The following PDGFD variants were observed in gnomAD, a reference collection of about 807,000 sequenced individuals.
PDGFD encodes the protein platelet derived growth factor D, also known as platelet-derived growth factor D.
A neutral mutation model predicts 44.7 loss-of-function variants in PDGFD; 30 were observed. The ratio of observed to expected loss-of-function variants is 0.67; its 90% confidence interval spans 0.50 to 0.91. The LOEUF is 0.91. PDGFD is among the 40% of genes least tolerant of loss of function. The pLI, the probability that PDGFD is intolerant of heterozygous loss-of-function variation, is 0.00. For synonymous variants in PDGFD, 173 were observed against 168.4 expected (o/e 1.03, Z -0.21); for missense variants, 445 against 457.8 (o/e 0.97, Z 0.25).
intron 1 of PDGFD, among the ~76,000 whole-genome samples, chr11:104,099,419 C>T (rs926757755): frequency 1.2e-4 from 18 of 152,052 alleles, no homozygotes; most frequent in East Asian, 7.7e-4. Context: ...GCAGGCGGAT[C>T]GTTTGAGCCC....
chr11:104,106,029 T>C (rs778170647), intron 1 of PDGFD, among the ~76,000 whole-genome samples: 19 of 152,154 alleles, frequency 1.2e-4, no homozygotes, highest in Non-Finnish European at 2.4e-4. Flanking sequence ...TTTAGAAGTA[T>C]TGTTAAATCT....
intron 1 of PDGFD, among the ~76,000 whole-genome samples, chr11:104,022,360 T>C (rs1485777501): frequency 6.6e-6 from 1 of 152,142 alleles, no homozygotes; most frequent in Non-Finnish European, 1.5e-5. Flanking sequence ...TCAACAGCCT[T>C]AAAGAGACAA....
At chr11:104,072,954 G>C (rs547013668) in intron 1 of PDGFD, among the ~76,000 whole-genome samples, 1 of 152,124 alleles carries the variant, frequency 6.6e-6, no homozygotes, top group South Asian at 2.1e-4. Context: ...AAATCTAAAA[G>C]TATATTAATT....
chr11:103,909,906 A>C (rs1263461662), intron 6 of PDGFD, 87 bp from the exon 7 acceptor site: 1 of 1,530,082 alleles, frequency 6.5e-7, no homozygotes. Flanking sequence ...TTTGACAACT[A>C]GTTCTTAGCC....
chr11:104,055,448 C>A (rs17331385), intron 1 of PDGFD, among the ~76,000 whole-genome samples: 1 of 152,006 alleles, frequency 6.6e-6, no homozygotes, highest in Non-Finnish European at 1.5e-5. Flanking sequence ...AATGATAACC[C>A]AGGTGTGTTA....
chr11:104,077,323 A>C (rs948511524), intron 1 of PDGFD, among the ~76,000 whole-genome samples: 2 of 152,236 alleles, frequency 1.3e-5, no homozygotes, highest in Non-Finnish European at 2.9e-5. Context: ...GAGATGAAGA[A>C]GGAAGGATGT....
chr11:104,044,810 G>A (rs570182532), intron 1 of PDGFD, among the ~76,000 whole-genome samples: 2 of 152,284 alleles, frequency 1.3e-5, no homozygotes, highest in South Asian at 4.1e-4. Context: ...AGGCCAAGGT[G>A]AACGGATCAC....
chr11:104,104,294 GAAGT>G (rs1446696678), intron 1 of PDGFD, among the ~76,000 whole-genome samples: 1 of 151,966 alleles, frequency 6.6e-6, no homozygotes, highest in Non-Finnish European at 1.5e-5. Context: ...ATTTGTTATC[GAAGT>G]AAAAATATTT....
At chr11:104,090,243 A>G (rs1335463980) in intron 1 of PDGFD, among the ~76,000 whole-genome samples, 3 of 152,152 alleles carry the variant, frequency 2.0e-5, no homozygotes, top group Admixed American at 2.0e-4. Flanking sequence ...TAACATTTGG[A>G]TTTGTTTATT....
At chr11:103,985,306 C>T (rs972445211) in intron 3 of PDGFD, among the ~76,000 whole-genome samples, 1 of 150,588 alleles carries the variant, frequency 6.6e-6, no homozygotes, top group Non-Finnish European at 1.5e-5. Context: ...CTCAAGTGAT[C>T]CTCTTACCTC....
intron 1 of PDGFD, among the ~76,000 whole-genome samples, chr11:104,000,650 A>C (rs1012801639): frequency 6.6e-6 from 1 of 152,166 alleles, no homozygotes; most frequent in Non-Finnish European, 1.5e-5. Context: ...TCCACCCTTG[A>C]TGTCTGTCTA....
intron 1 of PDGFD, among the ~76,000 whole-genome samples, chr11:104,077,604 A>G (rs1270848565): frequency 6.6e-6 from 1 of 152,198 alleles, no homozygotes; most frequent in Non-Finnish European, 1.5e-5. Flanking sequence ...AGCATTAAAC[A>G]TGTACAGAGG....
chr11:103,997,440 G>A (rs1859549939), intron 2 of PDGFD, among the ~76,000 whole-genome samples: 1 of 152,152 alleles, frequency 6.6e-6, no homozygotes, highest in African/African-American at 2.4e-5. Context: ...TAATGATATT[G>A]TGACTAAATT....
rs1315241004 is a variant in PDGFD at position 104,163,791 on chromosome 11, A to G, written c.124+13T>C. ...ATTTTTTTTTCAGTTAAAAAATAAA[A>G]TGAGTCTCTTACCATCTCGCCTGAG... On this transcript the variant is annotated intron_variant, in intron 1 of 6. Coordinates refer to ENST00000393158, the MANE Select transcript of PDGFD (RefSeq NM_025208.5). The G allele has an allele frequency of 6.6e-7, 1 of 1,512,916 alleles. No individual in the cohort carries two copies. Among genetic ancestry groups the G allele is most frequent in the Non-Finnish European group, 8.9e-7 (1 of 1,120,768 alleles). The allele number at this position is 1,512,916 out of a possible 1,614,324, so 93.7% of individuals were successfully genotyped here. A position where few individuals can be genotyped will look rare whatever the true frequency, so the allele number is the denominator to read the frequency against.
intron 1 of PDGFD, among the ~76,000 whole-genome samples, chr11:104,043,688 C>T (rs1028795569): frequency 3.3e-5 from 5 of 152,116 alleles, no homozygotes; most frequent in Admixed American, 1.3e-4. Flanking sequence ...GTGAGAGCCT[C>T]GGGAAGCTTT....
chr11:104,034,108 C>G (rs1860177678), intron 1 of PDGFD, among the ~76,000 whole-genome samples: 1 of 152,156 alleles, frequency 6.6e-6, no homozygotes, highest in Admixed American at 6.5e-5. Flanking sequence ...AAACCCAGTT[C>G]TTTCAGGATG....
At chr11:103,919,508 T>TTTC (rs1230784281) in intron 6 of PDGFD, among the ~76,000 whole-genome samples, 1 of 141,478 alleles carries the variant, frequency 7.1e-6, no homozygotes, top group East Asian at 2.0e-4. Context: ...CTTCCTTTTT[T>TTTC]TTTTTTTTTT....
intron 1 of PDGFD, among the ~76,000 whole-genome samples, chr11:104,061,635 A>C (rs554584265): frequency 6.6e-6 from 1 of 152,284 alleles, no homozygotes; most frequent in South Asian, 2.1e-4. Context: ...TCTTTGAGAC[A>C]GTCTCTCTCT....
chr11:104,136,064 G>C (rs1336436957), intron 1 of PDGFD, among the ~76,000 whole-genome samples: 2 of 152,128 alleles, frequency 1.3e-5, no homozygotes, highest in Admixed American at 1.3e-4. Context: ...AGGAGGGAGA[G>C]AGGAGCATTC....
Sources: gnomAD v4.1 joint callset for allele counts (sites outside exome capture counted in the v4.1 genomes callset) on GRCh38, gnomAD v4.1.1 for gene constraint, MANE v1.5 for transcripts, NCBI Gene and HGNC (gene_info 2026-07-23, HGNC 2026-07-21) for gene names.